The following TBL1XR1 variants were observed in gnomAD, a reference collection of about 807,000 sequenced individuals.
TBL1XR1 encodes F-box-like/WD repeat-containing protein TBL1XR1.
Under a neutral mutation model 66.9 loss-of-function variants are expected in TBL1XR1, and 5 were observed. That is an observed-to-expected ratio of 0.07 (90% CI 0.04 to 0.16). TBL1XR1 has a LOEUF of 0.16. TBL1XR1 is among the 10% of genes least tolerant of loss of function. TBL1XR1 has a pLI of 1.00. For missense variants in TBL1XR1, 238 were observed against 623.2 expected, an observed-to-expected ratio of 0.38 and a Z score of 6.58; for synonymous variants, 210 against 206.0, an observed-to-expected ratio of 1.02 and a Z score of -0.17.
chr3:177,161,231 CCT>C (rs1444552198), intron 1 of TBL1XR1, among the ~76,000 whole-genome samples: 2 of 152,026 alleles, frequency 1.3e-5, no homozygotes, highest in Non-Finnish European at 2.9e-5. Flanking sequence ...TTAGATAACC[CCT>C]GTGCCAGTCC....
upstream of TBL1XR1, among the ~76,000 whole-genome samples, chr3:177,200,308 G>A (rs1737315383): frequency 6.6e-6 from 1 of 152,136 alleles, no homozygotes; most frequent in South Asian, 2.1e-4. Flanking sequence ...CAAAAATAGG[G>A]GCACCCAAAT....
chr3:177,099,525 A>T (rs139276371), intron 1 of TBL1XR1: 1 of 152,254 alleles, frequency 6.6e-6, no homozygotes, highest in African/African-American at 2.4e-5. Context: ...TATATATGGG[A>T]GGTTTAGCTC....
chr3:177,170,532 C>A (rs574680825), intron 1 of TBL1XR1, among the ~76,000 whole-genome samples: 2 of 152,200 alleles, frequency 1.3e-5, no homozygotes, highest in South Asian at 2.1e-4. Context: ...TTCCTGTTGA[C>A]GTGGCACAGT....
chr3:177,130,721 C>A (rs1728197063), intron 1 of TBL1XR1, among the ~76,000 whole-genome samples: 1 of 152,094 alleles, frequency 6.6e-6, no homozygotes, highest in Admixed American at 6.6e-5. Flanking sequence ...AAAATAATTA[C>A]CTGAAAGGGA....
intron 1 of TBL1XR1, among the ~76,000 whole-genome samples, chr3:177,130,876 T>C (rs936675187): frequency 2.6e-5 from 4 of 152,320 alleles, no homozygotes; most frequent in African/African-American, 9.6e-5. Context: ...GTTAAATTAC[T>C]GAGCCGGACA....
At chr3:177,071,063 C>CTTTTT (rs1553825680) in intron 2 of TBL1XR1, among the ~76,000 whole-genome samples, 1 of 96,304 alleles carries the variant, frequency 1.0e-5, no homozygotes, top group Admixed American at 1.2e-4. Context: ...CAGAGTTTTG[C>CTTTTT]TCTGTTGCCC....
chr3:177,042,543 A>G (rs1359788129), intron 10 of TBL1XR1, among the ~76,000 whole-genome samples: 2 of 152,324 alleles, frequency 1.3e-5, no homozygotes, highest in East Asian at 3.9e-4. Flanking sequence ...TGCCTCATAA[A>G]ATACAGTGCT....
At chr3:177,165,930 T>G (rs1388392945) in intron 1 of TBL1XR1, among the ~76,000 whole-genome samples, 1 of 111,238 alleles carries the variant, frequency 9.0e-6, no homozygotes, top group African/African-American at 2.9e-5. Context: ...AAGCGTTATC[T>G]CCACAAAAAA....
At chr3:177,064,337 T>C (rs911161093) in intron 3 of TBL1XR1, among the ~76,000 whole-genome samples, 1 of 152,152 alleles carries the variant, frequency 6.6e-6, no homozygotes, top group African/African-American at 2.4e-5. Flanking sequence ...GCTTAATCCA[T>C]CCACATTTCC....
rs969049441 is a variant in TBL1XR1, at chr3:177,170,145, A to G, written c.-122+26976T>C. ...CTCCTGAATCCCAATGCATTCTCCA[A>G]GGTGCTGCCAGGGTTATCTGATTAC... On this transcript the variant is annotated intron_variant, in intron 1 of 15. Coordinates refer to ENST00000457928, the MANE Select transcript of TBL1XR1 (RefSeq NM_024665.7). 5.3e-5 allele frequency among the ~76,000 whole-genome samples: 8 copies of G among 152,058 alleles called. No homozygotes were observed. The East Asian group carries it at 1.5e-3, about 29-fold the overall frequency.
intron 1 of TBL1XR1, among the ~76,000 whole-genome samples, chr3:177,157,164 G>A (rs749005970): frequency 1.3e-5 from 2 of 152,128 alleles, no homozygotes; most frequent in Non-Finnish European, 2.9e-5. Flanking sequence ...AGCTGTGATT[G>A]TGTCACTGTA....
intron 14 of TBL1XR1, among the ~76,000 whole-genome samples, chr3:177,030,120 GTATA>G (rs992028486): frequency 5.5e-5 from 8 of 145,464 alleles, no homozygotes; most frequent in African/African-American, 7.5e-5. Flanking sequence ...GTGTGTGTGT[GTATA>G]TATATATAGA....
intron 2 of TBL1XR1, among the ~76,000 whole-genome samples, chr3:177,076,802 GA>G (rs1276078238): frequency 6.6e-6 from 1 of 152,348 alleles, no homozygotes; most frequent in South Asian, 2.1e-4. Flanking sequence ...TGTAGAGGTT[GA>G]ATGTATTACT....
chr3:177,146,873 A>G (rs757113570), intron 1 of TBL1XR1, among the ~76,000 whole-genome samples: 1 of 152,140 alleles, frequency 6.6e-6, no homozygotes, highest in African/African-American at 2.4e-5. Flanking sequence ...GGTTCTGCTC[A>G]TAACTCAAAT....
At chr3:177,076,972 T>C (rs556650839) in intron 2 of TBL1XR1, among the ~76,000 whole-genome samples, 1 of 152,352 alleles carries the variant, frequency 6.6e-6, no homozygotes, top group South Asian at 2.1e-4. Context: ...ATTACAAGTG[T>C]CTGCCAGCTC....
At chr3:177,104,780 T>C (rs972830600) in intron 1 of TBL1XR1, among the ~76,000 whole-genome samples, 2 of 152,246 alleles carry the variant, frequency 1.3e-5, no homozygotes, top group African/African-American at 4.8e-5. Flanking sequence ...CTTAGTTGAA[T>C]TAGTTTCACT....
chr3:177,054,036 G>T, intron 3 of TBL1XR1, 118 bp from the exon 4 acceptor site: 1 of 1,083,492 alleles, frequency 9.2e-7, no homozygotes. Flanking sequence ...TAAAATCCCA[G>T]ACGAAGGTCG....
intron 1 of TBL1XR1, among the ~76,000 whole-genome samples, chr3:177,144,539 G>A (rs998089695): frequency 6.6e-6 from 1 of 151,880 alleles, no homozygotes; most frequent in African/African-American, 2.4e-5. Context: ...GGATCATGAG[G>A]TCAGGAGATC....
intron 2 of TBL1XR1, among the ~76,000 whole-genome samples, chr3:177,065,979 T>C (rs1719110437): frequency 6.6e-6 from 1 of 152,192 alleles, no homozygotes; most frequent in African/African-American, 2.4e-5. Flanking sequence ...AAGACCTTTC[T>C]TTGCTTGTGA....
Sources: gnomAD v4.1 joint callset for allele counts (sites outside exome capture counted in the v4.1 genomes callset) on GRCh38, gnomAD v4.1.1 for gene constraint, MANE v1.5 for transcripts, NCBI Gene and HGNC (gene_info 2026-07-23, HGNC 2026-07-21) for gene names.